LUZP2: variants seen among roughly 807,000 people sequenced by gnomAD.
The protein encoded by LUZP2 is leucine zipper protein 2.
In LUZP2, 52 loss-of-function variants were observed where a neutral mutation model predicts 51.6. The observed-to-expected ratio is 1.01, with a 90% CI of 0.81 to 1.27. LUZP2 has a LOEUF of 1.27. Among genes scored for constraint, LUZP2 ranks in the 50% most tolerant of loss-of-function variants. The pLI, the probability that LUZP2 is intolerant of heterozygous loss-of-function variation, is 0.00. For synonymous variants in LUZP2, 154 were observed against 137.3 expected (o/e 1.12, Z -0.85); for missense variants, 436 against 395.4 (o/e 1.10, Z -0.87).
chr11:24,799,922 A>C (rs1404938181), intron 5 of LUZP2, among the ~76,000 whole-genome samples: 1 of 152,190 alleles, frequency 6.6e-6, no homozygotes, highest in East Asian at 1.9e-4. Flanking sequence ...TATCTTCCTG[A>C]TTGATTGCTG....
chr11:24,558,464 GA>G (rs5790414), intron 1 of LUZP2, among the ~76,000 whole-genome samples: 150,731 of 151,466 alleles, frequency 1, 75,000 homozygotes, highest in Non-Finnish European at 1. Context: ...AAACATTTGT[GA>G]AAAAAAAAAT....
chr11:24,906,574 A>C (rs538869765), intron 6 of LUZP2, among the ~76,000 whole-genome samples: 2 of 152,294 alleles, frequency 1.3e-5, no homozygotes, highest in African/African-American at 4.8e-5. Flanking sequence ...TAACTAAAAT[A>C]ATCATTTTTC....
intron 6 of LUZP2, 75 bp from the exon 7 acceptor site, chr11:24,914,401 G>T: frequency 9.1e-7 from 1 of 1,099,398 alleles, no homozygotes; most frequent in Non-Finnish European, 1.4e-6. Flanking sequence ...TTCCTGTGAA[G>T]TCTGAAAGTA....
At chr11:24,703,303 G>A (rs1246997595) in intron 1 of LUZP2, among the ~76,000 whole-genome samples, 6 of 152,272 alleles carry the variant, frequency 3.9e-5, no homozygotes, top group East Asian at 3.9e-4. Context: ...CATCTTAAAA[G>A]TCTGTGCATA....
intron 9 of LUZP2, among the ~76,000 whole-genome samples, chr11:25,022,543 A>T (rs181927791): frequency 6.6e-6 from 1 of 152,090 alleles, no homozygotes; most frequent in East Asian, 1.9e-4. Context: ...TATAAAAGCC[A>T]TGGGCTCTCT....
intron 5 of LUZP2, among the ~76,000 whole-genome samples, chr11:24,809,309 A>G (rs1849949682): frequency 6.6e-6 from 1 of 152,154 alleles, no homozygotes; most frequent in Non-Finnish European, 1.5e-5. Flanking sequence ...GTGGGAAGGG[A>G]TAGCCTGATT....
In LUZP2 at chr11:24,524,513, G is replaced by A. The variant is rs74343833; in HGVS notation, c.62+27208G>A. 4.3e-3 allele frequency among the ~76,000 whole-genome samples: 651 copies of A among 151,784 alleles called. 6 individuals carry two copies. The highest frequency in any genetic ancestry group is 0.015 in the African/African-American group (609 of 41,508). On this transcript the variant is annotated intron_variant, in intron 1 of 11. Transcript: ENST00000336930. ...CTCACATTTCTTAGAGGAAGTTTAG[G>A]TAATGACAAACCTTTCCCTGAAGTC...
intron 1 of LUZP2, among the ~76,000 whole-genome samples, chr11:24,582,780 T>C (rs569176807): frequency 4.4e-4 from 67 of 152,240 alleles, no homozygotes; most frequent in Non-Finnish European, 5.9e-4. Flanking sequence ...TTGACTACAT[T>C]GGTAATTGGG....
intron 1 of LUZP2, among the ~76,000 whole-genome samples, chr11:24,514,097 C>T (rs775276481): frequency 2.2e-4 from 33 of 152,076 alleles, no homozygotes; most frequent in Non-Finnish European, 3.8e-4. Context: ...CTAAACAGTG[C>T]CCATAAACAG....
chr11:24,923,374 T>G (rs982125648), intron 7 of LUZP2, among the ~76,000 whole-genome samples: 1 of 151,950 alleles, frequency 6.6e-6, no homozygotes, highest in Non-Finnish European at 1.5e-5. Context: ...CCAAACTGCC[T>G]CCCATTTTGT....
chr11:24,780,017 G>A (rs566376785), intron 5 of LUZP2, among the ~76,000 whole-genome samples: 1 of 152,106 alleles, frequency 6.6e-6, no homozygotes, highest in Non-Finnish European at 1.5e-5. Flanking sequence ...AACACAGCTT[G>A]CTCCTGATTC....
At chr11:25,024,723 A>G (rs957396655) in intron 9 of LUZP2, among the ~76,000 whole-genome samples, 4 of 151,828 alleles carry the variant, frequency 2.6e-5, no homozygotes, top group Non-Finnish European at 4.4e-5. Context: ...AAACTGCCCA[A>G]GGTAATTTAT....
At chr11:24,984,549 T>TATATATAA (rs60530495) in intron 9 of LUZP2, among the ~76,000 whole-genome samples, 1,992 of 71,214 alleles carry the variant, frequency 0.028, 103 homozygotes, top group African/African-American at 0.08. Flanking sequence ...TATATATATA[T>TATATATAA]AATTGTGAAT....
intron 1 of LUZP2, among the ~76,000 whole-genome samples, chr11:24,578,849 C>T (rs1852752397): frequency 6.6e-6 from 1 of 152,040 alleles, no homozygotes; most frequent in Admixed American, 6.6e-5. Flanking sequence ...GTGACTGGAT[C>T]AATCACACCT....
intron 1 of LUZP2, among the ~76,000 whole-genome samples, chr11:24,539,297 C>G (rs1317587161): frequency 6.6e-6 from 1 of 151,842 alleles, no homozygotes; most frequent in African/African-American, 2.4e-5. Flanking sequence ...TTTAATGGTG[C>G]TAATAAGTCC....
chr11:24,922,825 CTTTTTTTTTTTCTTTTTT>C lies in LUZP2; in HGVS notation c.522+8299_522+8316del, dbSNP rs1445527795. Among the ~76,000 whole-genome samples, 167 of 44,610 alleles carry C rather than the reference CTTTTTTTTTTTCTTTTTT, an allele frequency of 3.7e-3. 2 individuals are homozygous for C. Among genetic ancestry groups the C allele is most frequent in the African/African-American group, 7.2e-3 (157 of 21,916 alleles). 29.3% of individuals were successfully genotyped at this position (44,610 alleles called of 152,430 possible). On this transcript the variant is annotated intron_variant, in intron 7 of 11. Transcript: ENST00000336930. ...GGACTACCAAGTGGCACAGTTATAT[CTTTTTTTTTTTCTTTTTT>C]TTTTTTTTTTTTTTTTTTTTTTTTA...
chr11:24,660,015 G>A (rs1855965716), intron 1 of LUZP2, among the ~76,000 whole-genome samples: 2 of 152,236 alleles, frequency 1.3e-5, no homozygotes, highest in East Asian at 1.9e-4. Context: ...TAGGTGGACC[G>A]GGTCTAATCA....
At chr11:25,041,883 A>G (rs1490040695) in intron 9 of LUZP2, among the ~76,000 whole-genome samples, 1 of 152,190 alleles carries the variant, frequency 6.6e-6, no homozygotes, top group Non-Finnish European at 1.5e-5. Context: ...TGGCAGCATT[A>G]GATTCTCATA....
At chr11:24,764,927 C>T (rs1182440602) in intron 5 of LUZP2, among the ~76,000 whole-genome samples, 1 of 152,094 alleles carries the variant, frequency 6.6e-6, no homozygotes, top group Non-Finnish European at 1.5e-5. Flanking sequence ...ACTTTGATAA[C>T]TACATAGACT....
Sources: gnomAD v4.1 joint callset for allele counts (sites outside exome capture counted in the v4.1 genomes callset) on GRCh38, gnomAD v4.1.1 for gene constraint, MANE v1.5 for transcripts, NCBI Gene and HGNC (gene_info 2026-07-23, HGNC 2026-07-21) for gene names.